The following MACF1 variants were observed in gnomAD, a reference collection of about 807,000 sequenced individuals.
The protein encoded by MACF1 is microtubule-actin cross-linking factor 1.
A neutral mutation model predicts 854.8 loss-of-function variants in MACF1; 193 were observed. That is an observed-to-expected ratio of 0.23 (90% CI 0.20 to 0.25). The LOEUF (loss-of-function observed/expected upper bound fraction) is 0.25, where lower values mean the gene tolerates loss of function less well. MACF1 is among the 10% of genes least tolerant of loss of function. MACF1 has a pLI of 1.00. For synonymous variants in MACF1, 3,185 were observed against 3,226.7 expected (o/e 0.99, Z 0.44); for missense variants, 7,722 against 8,929.1 (o/e 0.86, Z 5.45).
Position 39,332,666 on chromosome 1 carries a change from A to C in MACF1, c.6078A>C (p.Lys2026Asn). 6.2e-7 allele frequency: 1 copy of C among 1,614,144 alleles called. No individual in the cohort carries two copies. Among genetic ancestry groups the C allele is most frequent in the East Asian group, 2.2e-5 (1 of 44,882 alleles). ...GATTGCAAGAATCAGCTAATGTGAA[A>C]ATCTCAGGAACTTTCAGCAGTGGGT... Reference protein sequence around the residue: ...PEGLQESANVKISGTFSSGWT... With the variant: ...PEGLQESANVNISGTFSSGWT... The change falls in exon 37 of 101, where the codon AAA becomes AAC. Residue 2026 changes from lysine (K) to asparagine (N), a missense_variant. Lys to Asn is a moderately conservative substitution (Grantham distance 94). This residue lies in a region of MACF1 where 1,531 missense variants were observed against 1,601.6 expected (regional missense o/e 0.96). Coordinates refer to ENST00000564288, the MANE Select transcript of MACF1 (RefSeq NM_001394062.1).
chr1:39,485,561 C>T lies in MACF1; in HGVS notation c.22435C>T (p.Pro7479Ser), dbSNP rs1645090675. The stretch of plus-strand genomic sequence containing the variant: ...AGACCCTAAAAAGTCTGCCAGTCGC[C>T]CTGGGAGTCGGGCTGGGAGTCGAGC... ...RADPKKSASR[P>S]GSRAGSRAGS... is the part of the protein sequence containing the mutation. The change falls in exon 101 of 101, where the codon CCT (proline) becomes TCT (serine). Residue 7479 changes from proline (P) to serine (S), a missense_variant. Around this residue, in one of 15 missense-constraint regions of MACF1, gnomAD observed 185 missense variants for 225.7 expected, o/e 0.82. Coordinates refer to ENST00000564288, the MANE Select transcript of MACF1 (RefSeq NM_001394062.1). The T allele has an allele frequency of 6.2e-7, 1 of 1,613,648 alleles. No homozygotes were observed.
intron 2 of MACF1, among the ~76,000 whole-genome samples, chr1:39,152,891 T>C (rs1643612546): frequency 6.6e-6 from 1 of 151,460 alleles, no homozygotes; most frequent in African/African-American, 2.4e-5. Context: ...CCTATGTTTC[T>C]AGAGACTTGT....
intron 91 of MACF1, chr1:39,459,964 C>T (rs1644521497): frequency 1.8e-6 from 1 of 570,828 alleles, no homozygotes; most frequent in Non-Finnish European, 2.8e-6. Context: ...CTGCTGCACT[C>T]TTTAAGTCAT....
chr1:39,408,691 G>A (rs1378050690), intron 58 of MACF1, among the ~76,000 whole-genome samples: 1 of 152,100 alleles, frequency 6.6e-6, no homozygotes, highest in Non-Finnish European at 1.5e-5. Flanking sequence ...TCCTTTGTCA[G>A]GGGATTTGCG....
At position 39,283,199 on chromosome 1, in the gene MACF1, G is replaced by A. The variant is rs374283116; in HGVS notation, c.706G>A (p.Val236Ile). The part of the protein sequence containing the change: ...ALIHRYRPDL[V>I]DMERVQIQSN... Reference sequence around the variant, plus strand: ...GCTGGACTTTTACAGACCCGATCTAGTAGACATGGAGAGGGTGCAAATCCA... The same window carrying A: ...GCTGGACTTTTACAGACCCGATCTAATAGACATGGAGAGGGTGCAAATCCA... The change falls in exon 8 of 101, where the codon GTA becomes ATA. Residue 236 changes from valine to isoleucine, a missense_variant. Val to Ile is a conservative substitution (Grantham distance 29). Around this residue, in one of 15 missense-constraint regions of MACF1, gnomAD observed 108 missense variants for 196.4 expected, o/e 0.55. Transcript: ENST00000564288. The surrounding 1 kb of genome is among the most constrained non-coding windows in gnomAD (Gnocchi z 4.5). 10 of 1,610,552 alleles carry A rather than the reference G, an allele frequency of 6.2e-6. No individual in the cohort carries two copies. Among genetic ancestry groups the A allele is most frequent in the Non-Finnish European group, 8.5e-6 (10 of 1,176,936 alleles).
chr1:39,396,889 T>A (rs114980849), intron 58 of MACF1, among the ~76,000 whole-genome samples: 270 of 152,336 alleles, frequency 1.8e-3, no homozygotes, highest in African/African-American at 5.8e-3. Context: ...ATGGGTAGAA[T>A]GTGCACCCTC....
At chr1:39,199,688 T>C (rs1260169733) in intron 2 of MACF1, among the ~76,000 whole-genome samples, 1 of 152,208 alleles carries the variant, frequency 6.6e-6, no homozygotes, top group Admixed American at 6.5e-5. Flanking sequence ...TTAGTTTCCC[T>C]TCCAAGCAAG....
intron 99 of MACF1, 34 bp from the exon 100 acceptor site, chr1:39,484,567 A>G (rs776688699): frequency 1.3e-6 from 2 of 1,594,370 alleles, no homozygotes; most frequent in Non-Finnish European, 1.7e-6. Context: ...GATTTTACCA[A>G]GTAAAATGTG....
Position 39,249,105 on chromosome 1 carries a change from CACTTA to C in MACF1, c.172-903_172-899del, listed in dbSNP as rs142845532. On this transcript the variant is annotated intron_variant, in intron 2 of 100. Transcript: ENST00000564288. ...GGGACTGAATCAGAAATCCAATTGC[CACTTA>C]ACTTATAGCTAAGTGACCATAACAT... Among the ~76,000 whole-genome samples the C allele has an allele frequency of 6.9e-3, 1,053 of 152,288 alleles. 13 individuals are homozygous for C. Among genetic ancestry groups the C allele is most frequent in the African/African-American group, 0.024 (1,001 of 41,538 alleles).
intron 97 of MACF1, among the ~76,000 whole-genome samples, chr1:39,472,483 C>A (rs1004453867): frequency 6.6e-6 from 1 of 152,164 alleles, no homozygotes; most frequent in African/African-American, 2.4e-5. Context: ...CCCCTTAACA[C>A]CTTTTTTAAT....
intron 97 of MACF1, among the ~76,000 whole-genome samples, chr1:39,479,455 T>C (rs1253573855): frequency 6.6e-6 from 1 of 152,252 alleles, no homozygotes; most frequent in Non-Finnish European, 1.5e-5. Context: ...AAGAGGGGTT[T>C]TGATTTAACT....
At chr1:39,207,640 A>G (rs370278010) in intron 1 of MACF1, among the ~76,000 whole-genome samples, 138 of 152,244 alleles carry the variant, frequency 9.1e-4, no homozygotes, top group African/African-American at 3.3e-3. Flanking sequence ...TATTTGTGCT[A>G]TTCTTTCAGG....
intron 43 of MACF1, among the ~76,000 whole-genome samples, chr1:39,351,893 A>G (rs1413098481): frequency 1.3e-5 from 2 of 152,020 alleles, no homozygotes; most frequent in Non-Finnish European, 2.9e-5. Flanking sequence ...TGGCCAAATG[A>G]CATATTTTAA....
chr1:39,299,672 G>A (rs1646000999), intron 21 of MACF1, among the ~76,000 whole-genome samples: 1 of 152,142 alleles, frequency 6.6e-6, no homozygotes, highest in African/African-American at 2.4e-5. Context: ...GAAGAGCTAA[G>A]ATCTTTCTCT....
At chr1:39,462,469 CCA>C (rs1434409794) in intron 93 of MACF1, among the ~76,000 whole-genome samples, 3 of 151,892 alleles carry the variant, frequency 2.0e-5, no homozygotes, top group African/African-American at 7.3e-5. Flanking sequence ...CTTTGGGAGG[CCA>C]ACACGGGAGG....
chr1:39,439,698 C>G (rs1372426020), intron 72 of MACF1, among the ~76,000 whole-genome samples, 198 bp downstream of exon 72: 1 of 152,172 alleles, frequency 6.6e-6, no homozygotes, highest in East Asian at 1.9e-4. Flanking sequence ...CTCCGCCTTC[C>G]AGGTTCAAGT....
chr1:39,295,985 C>T (rs1351862832), intron 20 of MACF1, 103 bp downstream of exon 20: 3 of 985,886 alleles, frequency 3.0e-6, no homozygotes, highest in Admixed American at 2.6e-5. Flanking sequence ...TAAACCACCA[C>T]CTTAAAATTT....
chr1:39,414,512 A>C (rs564768435), intron 58 of MACF1: 25 of 1,612,508 alleles, frequency 1.6e-5, no homozygotes, highest in Middle Eastern at 1.7e-4. Flanking sequence ...AAGGGTCTAA[A>C]GAGTAAAGTG....
At position 39,179,559 on chromosome 1, in the gene MACF1, G is replaced by A. The variant is rs145532935; in HGVS notation, c.221-51623G>A. ...ACCTGAAAGAATAGGAATTAGAGAG[G>A]ATTAGAGTTATATATGTAAAGAGCA... On this transcript the variant is annotated intron_variant, in intron 2 of 93. Coordinates refer to the MACF1 transcript ENST00000361689. Among the ~76,000 whole-genome samples the A allele has an allele frequency of 1.8e-4, 27 of 152,188 alleles. No individual in the cohort carries two copies. In the East Asian group the frequency reaches 5.0e-3, roughly 28 times the overall value.
Sources: gnomAD v4.1 joint callset for allele counts (sites outside exome capture counted in the v4.1 genomes callset) on GRCh38, gnomAD v4.1.1 for gene constraint, gnomAD v4.1.1 regional missense constraint, Gnocchi (gnomAD v3.1) non-coding constraint, MANE v1.5 for transcripts, NCBI Gene and HGNC (gene_info 2026-07-23, HGNC 2026-07-21) for gene names.